The following CDH13 variants were observed in gnomAD, a reference collection of about 807,000 sequenced individuals.
CDH13 encodes cadherin 13.
CDH13 carries 24 observed loss-of-function variants against 63.8 expected under a neutral mutation model. That is an observed-to-expected ratio of 0.38 (90% CI 0.27 to 0.53). The LOEUF (loss-of-function observed/expected upper bound fraction) is 0.53. Among genes scored for constraint, CDH13 ranks in the 20% least tolerant of loss-of-function variants. CDH13 has a pLI of 0.85. For synonymous variants in CDH13, 503 were observed against 355.3 expected, an observed-to-expected ratio of 1.42 and a Z score of -4.67; for missense variants, 1,049 against 903.1, an observed-to-expected ratio of 1.16 and a Z score of -2.07.
intron 9 of CDH13, among the ~76,000 whole-genome samples, chr16:83,676,749 G>A (rs540740074): frequency 5.3e-5 from 8 of 152,310 alleles, no homozygotes; most frequent in Admixed American, 4.6e-4. Context: ...TCTCCAGTGT[G>A]TGTATGTGGG....
intron 2 of CDH13, among the ~76,000 whole-genome samples, chr16:82,861,015 A>G (rs1023255351): frequency 5.3e-5 from 8 of 152,214 alleles, no homozygotes; most frequent in African/African-American, 1.4e-4. Flanking sequence ...CAAGAAACCA[A>G]TGAGTGAAGT....
Position 83,059,671 on chromosome 16 carries a change from C to T in CDH13, c.366+27453C>T, listed in dbSNP as rs901283279. On this transcript the variant is annotated intron_variant, in intron 3 of 13. Transcript: ENST00000567109. ...AAACTGAGGCTAGCAGGCTGACTTTCTGGTTCCATGACACACATCACATCT... is the reference window on the plus strand; with the variant it reads ...AAACTGAGGCTAGCAGGCTGACTTTTTGGTTCCATGACACACATCACATCT... 2.6e-5 allele frequency among the ~76,000 whole-genome samples: 4 copies of T among 151,880 alleles called. No individual in the cohort carries two copies. In the South Asian group the frequency reaches 6.2e-4, roughly 24 times the overall value.
At chr16:83,691,848 G>A (rs1341517982) in intron 10 of CDH13, among the ~76,000 whole-genome samples, 3 of 152,072 alleles carry the variant, frequency 2.0e-5, no homozygotes, top group Non-Finnish European at 2.9e-5. Context: ...ACACCAAATT[G>A]CTCAAGGTTA....
At chr16:82,640,898 C>G (rs1426977982) in intron 1 of CDH13, among the ~76,000 whole-genome samples, 2 of 152,036 alleles carry the variant, frequency 1.3e-5, no homozygotes, top group African/African-American at 2.4e-5. Context: ...CTTTTGCTAC[C>G]CAAAAGTATC....
chr16:82,977,921 G>C (rs1909745348), intron 2 of CDH13, among the ~76,000 whole-genome samples: 1 of 152,310 alleles, frequency 6.6e-6, no homozygotes, highest in Middle Eastern at 3.4e-3. Context: ...TTTGTTGAAT[G>C]TCTTTGACCA....
chr16:83,057,775 C>T (rs760052276), intron 3 of CDH13, among the ~76,000 whole-genome samples: 5 of 152,110 alleles, frequency 3.3e-5, no homozygotes, highest in Non-Finnish European at 2.9e-5. Flanking sequence ...ACCTCCCACT[C>T]CAGAAAAGGG....
chr16:83,138,011 G>C (rs930199891), intron 4 of CDH13, among the ~76,000 whole-genome samples: 2 of 152,188 alleles, frequency 1.3e-5, no homozygotes, highest in Non-Finnish European at 2.9e-5. Flanking sequence ...AGTCCCTCCT[G>C]GGTATCTGCG....
intron 2 of CDH13, among the ~76,000 whole-genome samples, chr16:82,980,097 T>C (rs986300569): frequency 6.6e-6 from 1 of 152,076 alleles, no homozygotes; most frequent in African/African-American, 2.4e-5. Context: ...GGGACAGTTA[T>C]CTGCCCTGGT....
chr16:83,527,275 C>G lies in CDH13; in HGVS notation c.960+40620C>G, dbSNP rs150727847. ...CCATCCTAGCCAACACGGTGAAACC[C>G]CATCTCTACTAAAAATACAAAAAAT... On this transcript the variant is annotated intron_variant, in intron 7 of 13. Transcript: ENST00000567109. Among the ~76,000 whole-genome samples the G allele has an allele frequency of 8.5e-3, 1,299 of 152,068 alleles. 18 individuals are homozygous for G. Among genetic ancestry groups the G allele is most frequent in the African/African-American group, 0.029 (1,209 of 41,456 alleles).
In CDH13 at chr16:83,482,344, A is replaced by G. The variant is rs574234115; in HGVS notation, c.782-4133A>G. Among the ~76,000 whole-genome samples the G allele has an allele frequency of 7.9e-5, 12 of 152,346 alleles. No homozygotes were observed. The East Asian group carries it at 1.4e-3, about 17-fold the overall frequency. On this transcript the variant is annotated intron_variant, in intron 6 of 13. Coordinates refer to ENST00000567109, the MANE Select transcript of CDH13 (RefSeq NM_001257.5). The stretch of plus-strand genomic sequence containing the variant: ...TGTGGCCCATCACAAAAAGATAGAC[A>G]GTTCTGAAATAAAGAGGTTCCATCA...
chr16:83,493,330 AAGAC>A (rs2074061919), intron 7 of CDH13, among the ~76,000 whole-genome samples: 1 of 152,244 alleles, frequency 6.6e-6, no homozygotes, highest in Non-Finnish European at 1.5e-5. Flanking sequence ...AATTGAATGA[AAGAC>A]AGAGCTAATC....
chr16:83,073,442 T>G (rs1238813857), intron 3 of CDH13, among the ~76,000 whole-genome samples: 1 of 151,824 alleles, frequency 6.6e-6, no homozygotes, highest in Non-Finnish European at 1.5e-5. Context: ...AATCTTGACC[T>G]TTTTCTGTAT....
chr16:83,410,538 G>A (rs1406458064), intron 6 of CDH13, among the ~76,000 whole-genome samples: 1 of 152,102 alleles, frequency 6.6e-6, no homozygotes, highest in Admixed American at 6.6e-5. Context: ...ATAGTATATT[G>A]AAGGCAATAC....
intron 4 of CDH13, among the ~76,000 whole-genome samples, chr16:83,146,339 T>A (rs1001797226): frequency 6.6e-6 from 1 of 152,244 alleles, no homozygotes; most frequent in African/African-American, 2.4e-5. Flanking sequence ...TCCATCACCA[T>A]GGCTTATGCC....
At chr16:82,693,891 T>C (rs1214336854) in intron 1 of CDH13, among the ~76,000 whole-genome samples, 2 of 152,216 alleles carry the variant, frequency 1.3e-5, no homozygotes, top group Non-Finnish European at 1.5e-5. Context: ...TATAACATTC[T>C]TGGTTCAAAC....
At chr16:83,063,602 A>C (rs560805035) in intron 3 of CDH13, among the ~76,000 whole-genome samples, 10 of 152,322 alleles carry the variant, frequency 6.6e-5, no homozygotes, top group Middle Eastern at 3.4e-3. Context: ...AATGGTTGTA[A>C]TAGGGTGTCT....
intron 11 of CDH13, among the ~76,000 whole-genome samples, chr16:83,756,018 C>T (rs1913480045): frequency 6.6e-6 from 1 of 152,144 alleles, no homozygotes; most frequent in Non-Finnish European, 1.5e-5. Context: ...ACAGTTTCTG[C>T]AGCATTGGAG....
intron 10 of CDH13, among the ~76,000 whole-genome samples, chr16:83,704,357 T>G (rs1906694171): frequency 6.6e-6 from 1 of 152,108 alleles, no homozygotes; most frequent in Non-Finnish European, 1.5e-5. Context: ...GATGCCAGAA[T>G]ATGAACACCG....
intron 1 of CDH13, among the ~76,000 whole-genome samples, chr16:82,697,412 A>G (rs1044785285): frequency 2.4e-5 from 3 of 123,798 alleles, no homozygotes; most frequent in African/African-American, 9.0e-5. Flanking sequence ...GGGCCAAGGC[A>G]TTTCTTTTTT....
Sources: allele counts gnomAD v4.1 joint callset (sites outside exome capture counted in the v4.1 genomes callset), GRCh38; gene constraint gnomAD v4.1.1; transcripts MANE v1.5; gene names NCBI Gene and HGNC (gene_info 2026-07-23, HGNC 2026-07-21).